Variants in CCDC191 observed in about 807,000 individuals in gnomAD.
CCDC191 encodes coiled-coil domain containing 191.
A neutral mutation model predicts 114.0 loss-of-function variants in CCDC191; 99 were observed. The observed-to-expected ratio is 0.87, with a 90% CI of 0.74 to 1.03. The LOEUF is 1.03. Ranked by LOEUF, CCDC191 falls within the 50% of genes least tolerant of loss-of-function variation. CCDC191 has a pLI of 0.00. For missense variants in CCDC191, 973 were observed against 1,087.0 expected (o/e 0.90, Z 1.47); for synonymous variants, 351 against 376.0 (o/e 0.93, Z 0.77).
At chr3:113,983,751 A>C (rs1288171607) in intron 13 of CCDC191, among the ~76,000 whole-genome samples, 2 of 152,356 alleles carry the variant, frequency 1.3e-5, no homozygotes, top group East Asian at 3.9e-4. Context: ...CTTGATAAGC[A>C]ATTATGGAAA....
Position 113,984,307 on chromosome 3 carries a change from C to T in CCDC191, c.2164-3514G>A, listed in dbSNP as rs144924125. On this transcript the variant is annotated intron_variant, in intron 13 of 16. Coordinates refer to ENST00000295878, the MANE Select transcript of CCDC191 (RefSeq NM_020817.2). The stretch of plus-strand genomic sequence containing the variant: ...GGTACACTCAATGAGCAAAAATACC[C>T]GCCCAAATAGAAGAGGTTAAGCAGA... 9.9e-5 allele frequency: 15 copies of T among 152,126 alleles called. No individual in the cohort carries two copies. The East Asian group carries it at 2.1e-3, about 22-fold the overall frequency. 9.4% of individuals were successfully genotyped at this position (152,126 alleles called of 1,614,324 possible).
At chr3:113,977,012 T>A (rs141911029) in intron 16 of CCDC191, among the ~76,000 whole-genome samples, 2 of 152,276 alleles carry the variant, frequency 1.3e-5, no homozygotes, top group East Asian at 3.9e-4. Flanking sequence ...TTGGTGGAGG[T>A]AGGCACCCTC....
Position 113,978,296 on chromosome 3 carries a change from A to C in CCDC191, c.2496T>G (p.Phe832Leu), listed in dbSNP as rs1439778925. The change falls in exon 16 of 17, where the codon TTT becomes TTG. Residue 832 changes from phenylalanine to leucine, a missense_variant. Physicochemically the swap from Phe to Leu is conservative, Grantham distance 22. Transcript: ENST00000295878. ...TCTTCTTTTGAAGAAAATGTACACA[A>C]AATTTTCTTACTTCTTCCTGCAGAT... ...VIDLQEEVRKFCVHFLQKKIF... is the reference protein window; with the variant it reads ...VIDLQEEVRKLCVHFLQKKIF... 6.2e-7 allele frequency: 1 copy of C among 1,614,016 alleles called. No individual in the cohort carries two copies. The highest frequency in any genetic ancestry group is 8.5e-7 in the Non-Finnish European group (1 of 1,179,942).
Position 114,031,676 on chromosome 3 carries a change from T to G in CCDC191, c.922A>C (p.Lys308Gln), listed in dbSNP as rs761960768. The G allele has an allele frequency of 3.7e-6, 6 of 1,608,148 alleles. No individual in the cohort carries two copies. The South Asian group carries it at 6.6e-5, about 18-fold the overall frequency. ...PDEEKMVKER[K>Q]RKLKEVLIQT... ...ATTAATACTTCTTTCAATTTCCTTT[T>G]TCTTTCCTTCACCATTTTTTCCTCA... is the stretch of plus-strand genomic sequence containing the variant. The change falls in exon 7 of 17, where the codon AAA becomes CAA. Residue 308 changes from lysine (K) to glutamine (Q), a missense_variant. Transcript: ENST00000295878.
chr3:114,017,102 C>CTTT (rs374809107), intron 8 of CCDC191, among the ~76,000 whole-genome samples: 6 of 136,488 alleles, frequency 4.4e-5, no homozygotes, highest in Non-Finnish European at 4.8e-5. Context: ...CAAGGATTCA[C>CTTT]TTTTTTTTTT....
chr3:114,033,924 AG>A (rs2076443886), intron 6 of CCDC191, among the ~76,000 whole-genome samples: 1 of 152,188 alleles, frequency 6.6e-6, no homozygotes, highest in South Asian at 2.1e-4. Flanking sequence ...TGGGGGTGGA[AG>A]GGATTATCTA....
intron 2 of CCDC191, among the ~76,000 whole-genome samples, chr3:114,052,934 C>T (rs1057256661): frequency 9.2e-5 from 14 of 152,118 alleles, no homozygotes; most frequent in Non-Finnish European, 2.1e-4. Flanking sequence ...TGGCAAGTTG[C>T]TAAACTGACA....
chr3:114,004,081 C>T, intron 11 of CCDC191: 1 of 944,468 alleles, frequency 1.1e-6, no homozygotes, highest in South Asian at 4.9e-5. Context: ...CCAGCCTGGG[C>T]AACACAGGAA....
chr3:114,047,803 T>C (rs995000323), intron 2 of CCDC191, among the ~76,000 whole-genome samples: 3 of 151,534 alleles, frequency 2.0e-5, no homozygotes, highest in Non-Finnish European at 2.9e-5. Flanking sequence ...GGTGAAACCC[T>C]GTATCTACTA....
At chr3:114,023,871 T>C (rs764452284) in intron 7 of CCDC191, among the ~76,000 whole-genome samples, 17 of 151,736 alleles carry the variant, frequency 1.1e-4, no homozygotes, top group African/African-American at 3.9e-4. Context: ...CTAATTAAAC[T>C]AAAGAGCTTC....
At chr3:114,043,331 G>A (rs1173992457) in intron 3 of CCDC191, among the ~76,000 whole-genome samples, 2 of 152,022 alleles carry the variant, frequency 1.3e-5, no homozygotes, top group Admixed American at 6.6e-5. Flanking sequence ...AGGTTGGAGG[G>A]GTAATGTGCA....
chr3:114,007,427 A>G (rs2075990343), intron 9 of CCDC191, among the ~76,000 whole-genome samples: 1 of 152,242 alleles, frequency 6.6e-6, no homozygotes, highest in Non-Finnish European at 1.5e-5. Context: ...AAACTCTGAC[A>G]TGTTAAACAC....
At chr3:114,006,198 C>T (rs1301887208) in intron 9 of CCDC191, among the ~76,000 whole-genome samples, 4 of 152,056 alleles carry the variant, frequency 2.6e-5, no homozygotes, top group Non-Finnish European at 5.9e-5. Flanking sequence ...CCTGTAATCC[C>T]AGCACGTTGG....
chr3:114,003,144 A>C (rs1174495931), intron 11 of CCDC191: 1 of 985,182 alleles, frequency 1.0e-6, no homozygotes, highest in East Asian at 1.1e-4. Context: ...TGAGTGTCAG[A>C]CTCCTGTTCT....
At chr3:114,047,503 AAAAT>A (rs2076645786) in intron 2 of CCDC191, among the ~76,000 whole-genome samples, 1 of 152,122 alleles carries the variant, frequency 6.6e-6, no homozygotes. Context: ...CTCTAGTTAA[AAAAT>A]AAAAAATTAG....
chr3:114,050,345 CATATATA>C (rs1429068645), intron 2 of CCDC191, among the ~76,000 whole-genome samples: 1 of 152,204 alleles, frequency 6.6e-6, no homozygotes, highest in Non-Finnish European at 1.5e-5. Context: ...ACTGCATGCT[CATATATA>C]ATAAATAGTT....
chr3:114,008,082 A>G (rs1166815287), intron 9 of CCDC191, among the ~76,000 whole-genome samples: 1 of 146,978 alleles, frequency 6.8e-6, no homozygotes, highest in Non-Finnish European at 1.5e-5. Flanking sequence ...ATATATTACT[A>G]TATATATAAA....
chr3:114,044,700 G>C lies in CCDC191; in HGVS notation c.272-1854C>G, dbSNP rs947771229. Among the ~76,000 whole-genome samples, 44 of 152,228 alleles carry C rather than the reference G, an allele frequency of 2.9e-4. 2 individuals carry two copies. The highest frequency in any genetic ancestry group is 9.6e-5 in the African/African-American group (4 of 41,470). On this transcript the variant is annotated intron_variant, in intron 3 of 16. Coordinates refer to ENST00000295878, the MANE Select transcript of CCDC191 (RefSeq NM_020817.2). ...TGCATATAATAATTCAAACATTTAT[G>C]TGTATAGTAATTTATATGCAAAATA...
At chr3:113,983,026 G>A (rs1020350650) in intron 13 of CCDC191, among the ~76,000 whole-genome samples, 1 of 152,044 alleles carries the variant, frequency 6.6e-6, no homozygotes, top group African/African-American at 2.4e-5. Context: ...TCAGCCCACT[G>A]GAATGAGGCT....
Sources: gnomAD v4.1 joint callset for allele counts (sites outside exome capture counted in the v4.1 genomes callset) on GRCh38, gnomAD v4.1.1 for gene constraint, MANE v1.5 for transcripts, NCBI Gene and HGNC (gene_info 2026-07-23, HGNC 2026-07-21) for gene names.